ARHGAP10: variants seen among roughly 807,000 people sequenced by gnomAD.
The protein encoded by ARHGAP10 is rho GTPase-activating protein 10.
Under a neutral mutation model 108.6 loss-of-function variants are expected in ARHGAP10, and 87 were observed. The ratio of observed to expected loss-of-function variants is 0.80; its 90% confidence interval spans 0.67 to 0.96. The LOEUF (loss-of-function observed/expected upper bound fraction) is 0.96. Ranked by LOEUF, ARHGAP10 falls within the 40% of genes least tolerant of loss-of-function variation. The probability of loss-of-function intolerance (pLI) is 0.00; values close to 1 mark genes in which losing one functional copy is unlikely to be tolerated. For missense variants in ARHGAP10, 939 were observed against 954.5 expected, an observed-to-expected ratio of 0.98 and a Z score of 0.21; for synonymous variants, 347 against 341.1, an observed-to-expected ratio of 1.02 and a Z score of -0.19.
chr4:148,034,639 A>G (rs2149672384), intron 19 of ARHGAP10, among the ~76,000 whole-genome samples: 1 of 152,108 alleles, frequency 6.6e-6, no homozygotes, highest in Non-Finnish European at 1.5e-5. Context: ...CCATCTGGCA[A>G]TTAATAATGA....
intron 3 of ARHGAP10, among the ~76,000 whole-genome samples, chr4:147,827,551 T>C (rs1579089226): frequency 6.6e-6 from 1 of 152,108 alleles, no homozygotes; most frequent in Admixed American, 6.5e-5. Flanking sequence ...GGCCTTTGTA[T>C]AGTTTAGTAA....
chr4:148,013,347 C>T (rs1741235192), intron 18 of ARHGAP10, among the ~76,000 whole-genome samples: 1 of 152,180 alleles, frequency 6.6e-6, no homozygotes, highest in Non-Finnish European at 1.5e-5. Flanking sequence ...ATGTGTTCTT[C>T]ATTGTGACTA....
chr4:147,733,066 T>C lies in ARHGAP10; in HGVS notation c.154+611T>C, dbSNP rs993017203. Among the ~76,000 whole-genome samples the C allele has an allele frequency of 1.3e-5, 2 of 152,128 alleles. 1 individual carries two copies. The highest frequency in any genetic ancestry group is 1.3e-4 in the Admixed American group (2 of 15,278). On this transcript the variant is annotated intron_variant, in intron 1 of 22. Coordinates refer to ENST00000336498, the MANE Select transcript of ARHGAP10 (RefSeq NM_024605.4). ...TCCGCACATTCCTCCCCTGCCGTGC[T>C]GAGGAGGGTTCAAAGATTGGGGTTT...
At chr4:147,848,623 G>A (rs534079786) in intron 4 of ARHGAP10, among the ~76,000 whole-genome samples, 14 of 152,276 alleles carry the variant, frequency 9.2e-5, no homozygotes, top group South Asian at 6.2e-4. Flanking sequence ...CAGGTATTCC[G>A]TGTAAACAAC....
At chr4:147,858,014 C>T (rs1734165088) in intron 5 of ARHGAP10, 1 of 153,394 alleles carries the variant, frequency 6.5e-6, no homozygotes, top group Non-Finnish European at 1.4e-5. Context: ...ATTTAATAAG[C>T]TCATATACCA....
chr4:147,944,862 T>C (rs1738311082), intron 14 of ARHGAP10, among the ~76,000 whole-genome samples: 1 of 152,144 alleles, frequency 6.6e-6, no homozygotes, highest in Non-Finnish European at 1.5e-5. Context: ...GCCTCCTCCC[T>C]TTGGGTAGGT....
At chr4:147,813,658 G>A (rs1732120754) in intron 1 of ARHGAP10, among the ~76,000 whole-genome samples, 1 of 152,212 alleles carries the variant, frequency 6.6e-6, no homozygotes, top group African/African-American at 2.4e-5. Context: ...AACACACAGA[G>A]AGAAGCCAAG....
chr4:147,934,280 GT>G (rs1258356765), intron 13 of ARHGAP10, among the ~76,000 whole-genome samples: 2 of 152,222 alleles, frequency 1.3e-5, no homozygotes, highest in African/African-American at 4.8e-5. Flanking sequence ...GAGCAAGCTT[GT>G]GGCACATCAG....
chr4:147,811,668 T>C (rs1446722191), intron 1 of ARHGAP10, among the ~76,000 whole-genome samples: 1 of 152,194 alleles, frequency 6.6e-6, no homozygotes, highest in Admixed American at 6.5e-5. Context: ...ACAGCTGTTT[T>C]ATGTGCAACT....
At chr4:148,029,290 G>A (rs1200050833) in intron 19 of ARHGAP10, among the ~76,000 whole-genome samples, 4 of 152,146 alleles carry the variant, frequency 2.6e-5, no homozygotes, top group African/African-American at 9.7e-5. Context: ...ATTAAGGGAT[G>A]GGAGGCCACT....
At chr4:147,889,912 T>C (rs1735726674) in intron 10 of ARHGAP10, among the ~76,000 whole-genome samples, 1 of 152,230 alleles carries the variant, frequency 6.6e-6, no homozygotes, top group Non-Finnish European at 1.5e-5. Context: ...AAAGTTTATT[T>C]TTTTCTCTTG....
intron 1 of ARHGAP10, among the ~76,000 whole-genome samples, chr4:147,809,490 A>T (rs4835456): frequency 0.73 from 110,370 of 152,134 alleles, 43,306 homozygotes; most frequent in Non-Finnish European, 0.86. Flanking sequence ...ACTGCAATTC[A>T]ACATGTAAAC....
At chr4:148,024,956 CTG>C (rs1177398956) in intron 19 of ARHGAP10, among the ~76,000 whole-genome samples, 1 of 152,204 alleles carries the variant, frequency 6.6e-6, no homozygotes, top group African/African-American at 2.4e-5. Flanking sequence ...ATGGAATTGA[CTG>C]TATTTCATGA....
At chr4:147,967,828 G>GAT (rs1223663593) in intron 18 of ARHGAP10, among the ~76,000 whole-genome samples, 113 of 152,264 alleles carry the variant, frequency 7.4e-4, no homozygotes, top group African/African-American at 2.7e-3. Flanking sequence ...AATCACCTGA[G>GAT]GGCCTCTTGT....
intron 1 of ARHGAP10, among the ~76,000 whole-genome samples, chr4:147,785,493 T>C (rs1730854035): frequency 6.6e-6 from 1 of 152,186 alleles, no homozygotes; most frequent in African/African-American, 2.4e-5. Context: ...ATGTTTATGA[T>C]ACCATAAGTC....
intron 1 of ARHGAP10, among the ~76,000 whole-genome samples, chr4:147,781,243 C>CTG (rs1226070508): frequency 6.6e-6 from 1 of 152,118 alleles, no homozygotes; most frequent in Non-Finnish European, 1.5e-5. Context: ...ACTCAAGAGG[C>CTG]TGAGGCAGGA....
At chr4:148,050,011 G>A (rs999016567) in intron 20 of ARHGAP10, among the ~76,000 whole-genome samples, 8 of 152,056 alleles carry the variant, frequency 5.3e-5, no homozygotes, top group Non-Finnish European at 1.0e-4. Flanking sequence ...GGGATTACAG[G>A]CACGTGCCAC....
At chr4:147,798,527 A>T (rs1279054279) in intron 1 of ARHGAP10, among the ~76,000 whole-genome samples, 2 of 151,170 alleles carry the variant, frequency 1.3e-5, no homozygotes, top group East Asian at 1.9e-4. Flanking sequence ...CCTGGCCAAC[A>T]TGATGACTTT....
At position 147,745,713 on chromosome 4, in the gene ARHGAP10, C is replaced by A. The variant is rs557837698; in HGVS notation, c.154+13258C>A. On this transcript the variant is annotated intron_variant, in intron 1 of 22. Coordinates refer to ENST00000336498, the MANE Select transcript of ARHGAP10 (RefSeq NM_024605.4). ...TCACCGTGTTAGCCAGGATGGTCTCCATCTCCTGACCTCTTGATCTGCCCG... is the reference window on the plus strand; with the variant it reads ...TCACCGTGTTAGCCAGGATGGTCTCAATCTCCTGACCTCTTGATCTGCCCG... 1.3e-4 allele frequency among the ~76,000 whole-genome samples: 20 copies of A among 151,754 alleles called. No individual in the cohort carries two copies. In the East Asian group the frequency reaches 3.9e-3, roughly 29 times the overall value.
Sources: gnomAD v4.1 joint callset for allele counts (sites outside exome capture counted in the v4.1 genomes callset) on GRCh38, gnomAD v4.1.1 for gene constraint, MANE v1.5 for transcripts, NCBI Gene and HGNC (gene_info 2026-07-23, HGNC 2026-07-21) for gene names.